Variants in CDCP2 observed in about 807,000 individuals in gnomAD.
The protein encoded by CDCP2 is CUB domain containing protein 2, also known as CUB domain-containing protein 2.
CDCP2 carries 31 observed loss-of-function variants against 31.0 expected under a neutral mutation model. The observed-to-expected ratio is 1.00, with a 90% CI of 0.75 to 1.35. The LOEUF is 1.35. Among genes scored for constraint, CDCP2 ranks in the 40% most tolerant of loss-of-function variants. The pLI, the probability that CDCP2 is intolerant of heterozygous loss-of-function variation, is 0.00. For missense variants in CDCP2, 443 were observed against 482.6 expected (o/e 0.92, Z 0.77); for synonymous variants, 206 against 207.9 (o/e 0.99, Z 0.08).
intron 3 of CDCP2, 146 bp downstream of exon 3, chr1:54,140,952 G>A: frequency 1.6e-6 from 1 of 621,254 alleles, no homozygotes; most frequent in Admixed American, 3.6e-5. Flanking sequence ...CATAGGCCAA[G>A]GGTATGCTAG....
At position 54,152,870 on chromosome 1, in the gene CDCP2, G is replaced by A. The variant is rs200632030; in HGVS notation, c.53C>T (p.Pro18Leu). ...TTCCATGGCTTGGGCCTGGAGCCCT[G>A]GGCCCAGCAGTGCCACTGCCAGCAG... is the stretch of plus-strand genomic sequence containing the variant. The change falls in exon 1 of 6, where the codon CCA becomes CTA. Residue 18 changes from proline to leucine, a missense_variant. Physicochemically the swap from Pro to Leu is moderately conservative, Grantham distance 98 (BLOSUM62 -3). Transcript: ENST00000530059. The A allele has an allele frequency of 3.5e-5, 57 of 1,614,064 alleles. No individual in the cohort carries two copies. Among genetic ancestry groups the A allele is most frequent in the Middle Eastern group, 3.3e-4 (2 of 6,084 alleles).
At chr1:54,135,670 C>T (rs1031200839) in intron 5 of CDCP2, among the ~76,000 whole-genome samples, 1 of 152,074 alleles carries the variant, frequency 6.6e-6, no homozygotes, top group African/African-American at 2.4e-5. Context: ...AGACTTAGGG[C>T]ATGGAATAGG....
At chr1:54,141,590 G>C (rs1163394422) in intron 2 of CDCP2, 157 bp from the exon 3 acceptor site, 2 of 639,316 alleles carry the variant, frequency 3.1e-6, no homozygotes, top group African/African-American at 3.7e-5. Flanking sequence ...AGCAAGTGTA[G>C]CACGTGCTCA....
At chr1:54,144,158 A>G (rs1348249486) in intron 2 of CDCP2, 5 of 269,308 alleles carry the variant, frequency 1.9e-5, no homozygotes, top group Non-Finnish European at 3.5e-5. Context: ...GAGCATTGCC[A>G]TGAAGGTGGG....
exon 4 of CDCP2, chr1:54,140,012 G>A: frequency 1.2e-6 from 2 of 1,614,066 alleles, no homozygotes; most frequent in South Asian, 1.1e-5. Context: ...GCAGGCGGAT[G>A]GTCCAGTGGC....
At position 54,152,856 on chromosome 1, in the gene CDCP2, G is replaced by A; in HGVS notation, c.67C>T (p.Gln23Ter). Residue 23 changes from glutamine (Q) to a stop codon, truncating the protein, a stop_gained, in exon 1 of 6, where the codon CAA (glutamine) becomes TAA (stop). Transcript: ENST00000530059. LOFTEE classifies it high-confidence loss of function. ...CAAGAGTGCCTACCTTCCATGGCTT[G>A]GGCCTGGAGCCCTGGGCCCAGCAGT... The A allele has an allele frequency of 6.2e-7, 1 of 1,614,182 alleles. No homozygotes were observed.
chr1:54,145,155 C>A (rs1451080460), intron 1 of CDCP2, among the ~76,000 whole-genome samples: 1 of 152,098 alleles, frequency 6.6e-6, no homozygotes, highest in Non-Finnish European at 1.5e-5. Flanking sequence ...GGGCCAGGTG[C>A]AGTGGTTCAT....
At chr1:54,150,793 C>T (rs1478496608) in intron 1 of CDCP2, among the ~76,000 whole-genome samples, 1 of 152,132 alleles carries the variant, frequency 6.6e-6, no homozygotes, top group Non-Finnish European at 1.5e-5. Context: ...TTAAACTCAT[C>T]CAGGTTGAGT....
intron 5 of CDCP2, among the ~76,000 whole-genome samples, chr1:54,135,538 G>A (rs189466041): frequency 1.6e-4 from 25 of 152,324 alleles, no homozygotes; most frequent in African/African-American, 6.0e-4. Flanking sequence ...GTGACTATGA[G>A]ACAGTGAGTG....
intron 5 of CDCP2, among the ~76,000 whole-genome samples, chr1:54,135,232 C>G (rs896647344): frequency 8.5e-5 from 13 of 152,156 alleles, no homozygotes; most frequent in African/African-American, 3.1e-4. Flanking sequence ...ACAGACTTGA[C>G]AAAGAAAGAA....
At chr1:54,139,326 G>A in intron 4 of CDCP2, 3 of 582,266 alleles carry the variant, frequency 5.2e-6, no homozygotes, top group Non-Finnish European at 9.1e-6. Context: ...CAAGCACCAT[G>A]TTTTCAATGA....
exon 3 of CDCP2, chr1:54,141,351 C>G: frequency 6.2e-7 from 1 of 1,614,150 alleles, no homozygotes. Flanking sequence ...CCCAGTGGCA[C>G]TCCATGCTGT....
At chr1:54,141,107 A>C (rs1429189398) in exon 3 of CDCP2, 1 of 1,527,316 alleles carries the variant, frequency 6.5e-7, no homozygotes, top group South Asian at 1.3e-5. Flanking sequence ...CCTGAGAAGT[A>C]GTAGGCCTTG....
chr1:54,148,685 T>A (rs1489955224), intron 1 of CDCP2, among the ~76,000 whole-genome samples: 1 of 151,472 alleles, frequency 6.6e-6, no homozygotes. Context: ...TAAATGACGC[T>A]GGGGCTTCAA....
rs547635375 is a variant in CDCP2 at position 54,150,519 on chromosome 1, C to T, written c.79+2325G>A. Among the ~76,000 whole-genome samples the T allele has an allele frequency of 5.9e-4, 90 of 152,112 alleles. 1 individual carries two copies. The highest frequency in any genetic ancestry group is 5.9e-4 in the Admixed American group (9 of 15,276). The stretch of plus-strand genomic sequence containing the variant: ...CTGAGACAGGAGAATTGCTTGAACC[C>T]GGGAGGCAGAGGCTGCACTGAGCCG... On this transcript the variant is annotated intron_variant, in intron 1 of 5. Coordinates refer to ENST00000530059, the Ensembl canonical transcript of CDCP2.
exon 3 of CDCP2, chr1:54,141,218 G>T (rs534832062): frequency 1.2e-6 from 2 of 1,612,992 alleles, no homozygotes; most frequent in African/African-American, 2.7e-5. Context: ...CAGTAGTGGT[G>T]CCCACGGGTG....
chr1:54,148,163 T>C (rs926734634), intron 1 of CDCP2, among the ~76,000 whole-genome samples: 2 of 151,822 alleles, frequency 1.3e-5, no homozygotes, highest in Non-Finnish European at 2.9e-5. Flanking sequence ...AGGCATTCCC[T>C]GTAAAATTCT....
In CDCP2 at chr1:54,146,378, C is replaced by T. The variant is rs549160474; in HGVS notation, c.80-1565G>A. Among the ~76,000 whole-genome samples the T allele has an allele frequency of 4.5e-4, 69 of 151,836 alleles. 1 individual carries two copies. The highest frequency in any genetic ancestry group is 1.6e-3 in the African/African-American group (66 of 41,158). On this transcript the variant is annotated intron_variant, in intron 1 of 5. Coordinates refer to ENST00000530059, the Ensembl canonical transcript of CDCP2. ...TATTTTTAGTAGAGACAGGGTTTCA[C>T]CATTTTGGGCAGGCTGGTCTCGAAC...
chr1:54,133,166 C>G (rs1327899175), exon 6 of CDCP2: 5 of 399,058 alleles, frequency 1.3e-5, no homozygotes, highest in African/African-American at 4.1e-5. Context: ...GAGAGCCAGA[C>G]AGCAGGTGGA....
Sources: allele counts gnomAD v4.1 joint callset (sites outside exome capture counted in the v4.1 genomes callset), GRCh38; gene constraint gnomAD v4.1.1; transcripts MANE v1.5; gene names NCBI Gene and HGNC (gene_info 2026-07-23, HGNC 2026-07-21).